ASTN1: variants seen among roughly 807,000 people sequenced by gnomAD.
ASTN1 encodes astrotactin 1.
A neutral mutation model predicts 140.7 loss-of-function variants in ASTN1; 41 were observed. The observed-to-expected ratio is 0.29, with a 90% CI of 0.23 to 0.38. The LOEUF (loss-of-function observed/expected upper bound fraction) is 0.38, where lower values mean the gene tolerates loss of function less well. ASTN1 is among the 10% of genes least tolerant of loss of function. ASTN1 has a pLI of 1.00. For missense variants in ASTN1, 1,479 were observed against 1,678.8 expected (o/e 0.88, Z 2.08); for synonymous variants, 640 against 652.2 (o/e 0.98, Z 0.29).
At chr1:177,069,010 G>A (rs566480462) in intron 1 of ASTN1, among the ~76,000 whole-genome samples, 14 of 151,750 alleles carry the variant, frequency 9.2e-5, no homozygotes, top group Admixed American at 7.9e-4. Context: ...ATTATGAGAC[G>A]AGGTTTCACC....
rs185163437 is a variant in ASTN1, at chr1:176,879,253, C to A, written c.3363-2616G>T. The stretch of plus-strand genomic sequence containing the variant: ...GTTTCCATTGCTGAGGTCCTGCCTG[C>A]CCAGTGCCCCATCCCCTGTCATTCT... On this transcript the variant is annotated intron_variant, in intron 20 of 22. Coordinates refer to ENST00000361833, the MANE Select transcript of ASTN1 (RefSeq NM_004319.3). Among the ~76,000 whole-genome samples, 208 of 152,288 alleles carry A rather than the reference C, an allele frequency of 1.4e-3. 2 individuals carry two copies. The highest frequency in any genetic ancestry group is 4.9e-3 in the African/African-American group (202 of 41,560).
In ASTN1 at chr1:177,032,822, T is replaced by G; in HGVS notation, c.499A>C (p.Ile167Leu). The G allele has an allele frequency of 6.2e-7, 1 of 1,609,218 alleles. No homozygotes were observed. Among genetic ancestry groups the G allele is most frequent in the South Asian group, 1.1e-5 (1 of 90,902 alleles). ...MGGMIALLLS[I>L]LCLVMILYTR... ...TACAGGATCATCACCAGGCACAAGA[T>G]GGACAGCAGCAGAGCGATCATGCCA... is the stretch of plus-strand genomic sequence containing the variant. Residue 167 changes from isoleucine (I) to leucine (L), a missense_variant, in exon 3 of 23, where the codon ATC becomes CTC. Ile to Leu is a conservative substitution (Grantham distance 5, BLOSUM62 2). Coordinates refer to ENST00000361833, the MANE Select transcript of ASTN1 (RefSeq NM_004319.3).
chr1:177,082,145 G>A (rs142623811), intron 1 of ASTN1, among the ~76,000 whole-genome samples: 1 of 152,178 alleles, frequency 6.6e-6, no homozygotes, highest in Non-Finnish European at 1.5e-5. Flanking sequence ...CATGTCAGAA[G>A]TGCATAGGAA....
intron 11 of ASTN1, among the ~76,000 whole-genome samples, chr1:176,951,306 G>A (rs908016736): frequency 2.0e-5 from 3 of 152,236 alleles, no homozygotes; most frequent in Non-Finnish European, 4.4e-5. Context: ...CCAGCTGTTA[G>A]GCCAGATGTG....
At chr1:176,922,815 T>C (rs1175640233) in intron 16 of ASTN1, among the ~76,000 whole-genome samples, 1 of 152,170 alleles carries the variant, frequency 6.6e-6, no homozygotes, top group African/African-American at 2.4e-5. Flanking sequence ...TTTACTAACA[T>C]CCTTTTTAAA....
chr1:176,883,855 GC>G (rs75865777), intron 19 of ASTN1, among the ~76,000 whole-genome samples: 2 of 133,022 alleles, frequency 1.5e-5, no homozygotes, highest in Non-Finnish European at 3.4e-5. Context: ...CCTCTTACTA[GC>G]TGGACCTGAG....
chr1:177,099,665 C>A (rs1170463545), intron 1 of ASTN1, among the ~76,000 whole-genome samples: 1 of 152,202 alleles, frequency 6.6e-6, no homozygotes, highest in Non-Finnish European at 1.5e-5. Context: ...ATATTCCCCT[C>A]CTGTGCTCCA....
chr1:177,086,321 A>G (rs1679467925), intron 1 of ASTN1, among the ~76,000 whole-genome samples: 1 of 151,970 alleles, frequency 6.6e-6, no homozygotes. Flanking sequence ...CTTTCTTCTC[A>G]TTGTCAACTA....
At chr1:176,891,260 A>G (rs987190451) in intron 17 of ASTN1, among the ~76,000 whole-genome samples, 5 of 152,170 alleles carry the variant, frequency 3.3e-5, no homozygotes, top group Non-Finnish European at 7.3e-5. Flanking sequence ...AAGAAATAAA[A>G]TTTTCCAATT....
chr1:177,032,906 G>A (rs1289860160), intron 2 of ASTN1, 57 bp from the exon 3 acceptor site: 2 of 1,495,494 alleles, frequency 1.3e-6, no homozygotes, highest in Middle Eastern at 1.8e-4. Flanking sequence ...TTCCCACAAA[G>A]AGTCACTGCT....
chr1:177,059,900 C>G (rs1445136748), intron 2 of ASTN1, among the ~76,000 whole-genome samples: 1 of 152,214 alleles, frequency 6.6e-6, no homozygotes, highest in East Asian at 1.9e-4. Context: ...CTCCCATATA[C>G]ATGGCTTATA....
In ASTN1 at chr1:177,115,651, T is replaced by A. The variant is rs1019672885; in HGVS notation, c.283+48743A>T. Among the ~76,000 whole-genome samples the A allele has an allele frequency of 3.2e-5, 4 of 124,844 alleles. 1 individual carries two copies. Among genetic ancestry groups the A allele is most frequent in the African/African-American group, 1.2e-4 (4 of 33,454 alleles). 81.9% of individuals were successfully genotyped at this position (124,844 alleles called of 152,430 possible). A position where few individuals can be genotyped will look rare whatever the true frequency, so the allele number is the denominator to read the frequency against. ...CAGCCTGGGCAACAGAGAGAGACTG[T>A]GTCAAAATAAATAAATAAATAAATA... is the stretch of plus-strand genomic sequence containing the variant. On this transcript the variant is annotated intron_variant, in intron 1 of 22. Transcript: ENST00000361833.
chr1:177,030,760 A>G lies in ASTN1; in HGVS notation c.1012+46T>C, dbSNP rs1415182555. 3 of 1,610,376 alleles carry G rather than the reference A, an allele frequency of 1.9e-6. No homozygotes were observed. In the Admixed American group the frequency reaches 5.0e-5, roughly 27 times the overall value. ...AGATATTAATGGCCCTGCCTCTACC[A>G]ATATGAAGGAATCCACCCACGAGCC... On this transcript the variant is annotated intron_variant, in intron 4 of 22. Transcript: ENST00000361833.
chr1:177,131,985 A>G (rs1229000398), intron 1 of ASTN1, among the ~76,000 whole-genome samples: 1 of 152,034 alleles, frequency 6.6e-6, no homozygotes, highest in African/African-American at 2.4e-5. Context: ...AGACCCAAAC[A>G]CCTCCTACCA....
intron 2 of ASTN1, among the ~76,000 whole-genome samples, chr1:177,053,389 C>A (rs1558061266): frequency 6.6e-6 from 1 of 152,114 alleles, no homozygotes; most frequent in Non-Finnish European, 1.5e-5. Context: ...AAGAGAAAAA[C>A]AGATTTGCAA....
At chr1:176,954,083 T>C (rs748966371) in intron 11 of ASTN1, among the ~76,000 whole-genome samples, 7 of 152,236 alleles carry the variant, frequency 4.6e-5, no homozygotes, top group Non-Finnish European at 1.0e-4. Context: ...CAGCCAAGCC[T>C]GCTCCAATCC....
At chr1:176,949,887 A>AG (rs776179790) in intron 11 of ASTN1, among the ~76,000 whole-genome samples, 2 of 152,144 alleles carry the variant, frequency 1.3e-5, no homozygotes, top group African/African-American at 4.8e-5. Flanking sequence ...GTAAGCTTAG[A>AG]GGGGGGTTGC....
chr1:177,047,474 C>A (rs893114297), intron 2 of ASTN1, among the ~76,000 whole-genome samples: 8 of 152,264 alleles, frequency 5.3e-5, no homozygotes, highest in Admixed American at 3.9e-4. Flanking sequence ...GGAAGTTAGC[C>A]TTCTGAATGG....
intron 1 of ASTN1, among the ~76,000 whole-genome samples, chr1:177,111,834 C>T (rs774244414): frequency 2.4e-4 from 37 of 152,148 alleles, no homozygotes; most frequent in Non-Finnish European, 5.1e-4. Context: ...GGTATGTCTC[C>T]TCTGATCTTA....
Sources: allele counts gnomAD v4.1 joint callset (sites outside exome capture counted in the v4.1 genomes callset), GRCh38; gene constraint gnomAD v4.1.1; transcripts MANE v1.5; gene names NCBI Gene and HGNC (gene_info 2026-07-23, HGNC 2026-07-21).